Variants in GLYAT observed in about 807,000 individuals in gnomAD.
The protein encoded by GLYAT is glycine-N-acyltransferase.
GLYAT carries 25 observed loss-of-function variants against 22.8 expected under a neutral mutation model. That is an observed-to-expected ratio of 1.09 (90% CI 0.80 to 1.53). GLYAT has a LOEUF of 1.53. GLYAT is among the 40% of genes most tolerant of loss of function. GLYAT has a pLI of 0.00. For synonymous variants in GLYAT, 140 were observed against 122.7 expected (o/e 1.14, Z -0.93); for missense variants, 411 against 353.9 (o/e 1.16, Z -1.29).
chr11:58,715,986 G>A (rs1284391173), intron 2 of GLYAT, among the ~76,000 whole-genome samples: 1 of 152,114 alleles, frequency 6.6e-6, no homozygotes, highest in East Asian at 1.9e-4. Context: ...AAACTCTTTA[G>A]CATTGTTTCC....
rs565458999 is a variant in GLYAT, at chr11:58,731,869, G to C, written c.-50C>G. ...TAGTCTCTGCAGATGTTTCCGGGAAGAAACGATGAGCAACACCCTTCTGGG... is the reference window on the plus strand; with the variant it reads ...TAGTCTCTGCAGATGTTTCCGGGAACAAACGATGAGCAACACCCTTCTGGG... On this transcript the variant is annotated 5_prime_UTR_variant, in exon 1 of 6. Transcript: ENST00000344743. The C allele has an allele frequency of 1.3e-5, 2 of 152,148 alleles. No homozygotes were observed. Among genetic ancestry groups the C allele is most frequent in the Non-Finnish European group, 2.9e-5 (2 of 68,030 alleles). The allele number at this position is 152,148 out of a possible 1,614,324, so 9.4% of individuals were successfully genotyped here. A position where few individuals can be genotyped will look rare whatever the true frequency, so the allele number is the denominator to read the frequency against.
intron 2 of GLYAT, among the ~76,000 whole-genome samples, chr11:58,722,333 T>C (rs1856760334): frequency 6.6e-6 from 1 of 152,058 alleles, no homozygotes; most frequent in African/African-American, 2.4e-5. Flanking sequence ...AGGTTGAGGA[T>C]GTGCCACTGA....
chr11:58,712,803 T>C lies in GLYAT; in HGVS notation c.273A>G (p.Gly91=), dbSNP rs1210977382. 2 of 1,612,294 alleles carry C rather than the reference T, an allele frequency of 1.2e-6. No individual in the cohort carries two copies. Among genetic ancestry groups the C allele is most frequent in the African/African-American group, 1.3e-5 (1 of 74,880 alleles). The part of the protein sequence containing the change: ...KDPQNCQEFL[G]SPELINWKQH... ...GTTTCCAGTTGATGAGTTCTGGTGA[T>C]CCAAGGAATTCCTGACAGTTTTGGG... is the stretch of plus-strand genomic sequence containing the variant. Residue 91 remains glycine, a synonymous_variant, in exon 4 of 6, where the codon GGA becomes GGG. Transcript: ENST00000344743.
chr11:58,712,998 A>G (rs1338118855), intron 3 of GLYAT, 112 bp from the exon 4 acceptor site: 7 of 643,434 alleles, frequency 1.1e-5, no homozygotes, highest in South Asian at 8.7e-5. Context: ...TTATTGGTGT[A>G]TCACAATTAT....
At chr11:58,726,818 G>A (rs1856815556) in intron 1 of GLYAT, among the ~76,000 whole-genome samples, 1 of 152,070 alleles carries the variant, frequency 6.6e-6, no homozygotes. Context: ...GAGGAAGCGA[G>A]AAAAACCTCA....
At position 58,710,038 on chromosome 11, in the gene GLYAT, A is replaced by G. The variant is rs977606176; in HGVS notation, c.619T>C (p.Cys207Arg). ...IERCIQTFPT[C>R]CLLGPEGTPV... ...GTCCCCTCAGGCCCCAGGAGACAGC[A>G]GGTGGGAAAGGTCTGAATGCAGCGC... The change falls in exon 6 of 6, where the codon TGC (cysteine) becomes CGC (arginine). Residue 207 changes from cysteine (C) to arginine (R), a missense_variant. Transcript: ENST00000344743. 3 of 1,614,140 alleles carry G rather than the reference A, an allele frequency of 1.9e-6. No individual in the cohort carries two copies. Among genetic ancestry groups the G allele is most frequent in the Non-Finnish European group, 8.5e-7 (1 of 1,179,990 alleles).
At chr11:58,711,118 T>C (rs2497381) in intron 4 of GLYAT, among the ~76,000 whole-genome samples, 9,126 of 152,284 alleles carry the variant, frequency 0.06, 609 homozygotes, top group African/African-American at 0.16. Flanking sequence ...CTTATACTGG[T>C]CCAAGCAAGC....
At chr11:58,727,044 C>T (rs1273477692) in intron 1 of GLYAT, among the ~76,000 whole-genome samples, 4 of 151,902 alleles carry the variant, frequency 2.6e-5, no homozygotes, top group Non-Finnish European at 5.9e-5. Flanking sequence ...GTGTCATAGC[C>T]CTATGCAGGA....
chr11:58,713,020 T>A, intron 3 of GLYAT, 134 bp from the exon 4 acceptor site: 3 of 564,860 alleles, frequency 5.3e-6, no homozygotes, highest in Non-Finnish European at 6.0e-6. Flanking sequence ...TCTTTTTTAT[T>A]GATACATAAT....
chr11:58,712,721 C>G (rs1330146909), intron 4 of GLYAT, 39 bp downstream of exon 4: 1 of 1,596,502 alleles, frequency 6.3e-7, no homozygotes, highest in Non-Finnish European at 8.6e-7. Flanking sequence ...GCTCAGGACA[C>G]ATAAGTGAGT....
At chr11:58,712,990 A>C in intron 3 of GLYAT, 104 bp from the exon 4 acceptor site, 3 of 703,220 alleles carry the variant, frequency 4.3e-6, no homozygotes, top group Non-Finnish European at 6.8e-6. Flanking sequence ...TGGTAGTTTT[A>C]TTGGTGTATC....
intron 1 of GLYAT, among the ~76,000 whole-genome samples, chr11:58,728,897 G>A (rs58313996): frequency 0.15 from 9,557 of 63,822 alleles, 366 homozygotes; most frequent in South Asian, 0.17. Flanking sequence ...AAAGAAGGAA[G>A]GAAGGAAGGA....
intron 2 of GLYAT, among the ~76,000 whole-genome samples, chr11:58,716,033 A>G (rs962137725): frequency 6.6e-6 from 1 of 152,150 alleles, no homozygotes; most frequent in Non-Finnish European, 1.5e-5. Flanking sequence ...AATTCTTATC[A>G]GTCAGCAGAG....
rs1462397505 is a variant in GLYAT at position 58,708,878 on chromosome 11, T to C, written c.*888A>G. 1 of 152,218 alleles carries C rather than the reference T, an allele frequency of 6.6e-6. No individual in the cohort carries two copies. Among genetic ancestry groups the C allele is most frequent in the Non-Finnish European group, 1.5e-5 (1 of 68,038 alleles). The allele number at this position is 152,218 out of a possible 1,614,324, so 9.4% of individuals were successfully genotyped here. The stretch of plus-strand genomic sequence containing the variant: ...TACAGCAGGAACAAACTGAGATTAG[T>C]AATGTGCTGAGGCTAATTGGACAAG... On this transcript the variant is annotated 3_prime_UTR_variant, in exon 6 of 6. Coordinates refer to ENST00000344743, the MANE Select transcript of GLYAT (RefSeq NM_201648.3).
intron 1 of GLYAT, among the ~76,000 whole-genome samples, chr11:58,731,344 T>C (rs1856869212): frequency 1.3e-5 from 2 of 152,178 alleles, no homozygotes; most frequent in South Asian, 2.1e-4. Flanking sequence ...TTTATTCATT[T>C]ATTAGTCGAG....
At chr11:58,710,805 C>G in intron 4 of GLYAT, 44 bp from the exon 5 acceptor site, 1 of 1,218,026 alleles carries the variant, frequency 8.2e-7, no homozygotes, top group African/African-American at 1.5e-5. Context: ...TAGGTATATT[C>G]TAGACTGAAG....
intron 1 of GLYAT, among the ~76,000 whole-genome samples, chr11:58,729,055 C>T (rs952709374): frequency 6.6e-6 from 1 of 152,038 alleles, no homozygotes; most frequent in East Asian, 1.9e-4. Context: ...ACCTTAATAC[C>T]TTAGCCCATG....
In GLYAT at chr11:58,709,792, T is replaced by A; in HGVS notation, c.865A>T (p.Asn289Tyr). The A allele has an allele frequency of 6.2e-7, 1 of 1,612,920 alleles. No individual in the cohort carries two copies. Among genetic ancestry groups the A allele is most frequent in the Non-Finnish European group, 8.5e-7 (1 of 1,179,282 alleles). The change falls in exon 6 of 6, where the codon AAC becomes TAC. Residue 289 changes from asparagine to tyrosine, a missense_variant. Transcript: ENST00000344743. ...CACAGAGGTACACAGTTCCACTGGTTCCAGCTTCTGGGAATGGGAACATGT... is the reference window on the plus strand; with the variant it reads ...CACAGAGGTACACAGTTCCACTGGTACCAGCTTCTGGGAATGGGAACATGT... ...LQHVPIPRSW[N>Y]QWNCVPL
chr11:58,712,430 G>A (rs75697298), intron 4 of GLYAT, among the ~76,000 whole-genome samples: 1,674 of 152,170 alleles, frequency 0.011, 26 homozygotes, highest in African/African-American at 0.038. Context: ...GGCCAAATAA[G>A]CTATCATTTT....
Sources: gnomAD v4.1 joint callset for allele counts (sites outside exome capture counted in the v4.1 genomes callset) on GRCh38, gnomAD v4.1.1 for gene constraint, MANE v1.5 for transcripts, NCBI Gene and HGNC (gene_info 2026-07-23, HGNC 2026-07-21) for gene names.